Variants in MEAK7 observed in about 807,000 individuals in gnomAD.
MEAK7 encodes the protein MTOR-associated protein MEAK7.
In MEAK7, 68 loss-of-function variants were observed where a neutral mutation model predicts 40.5. The ratio of observed to expected loss-of-function variants is 1.68; its 90% CI spans 1.38 to 2.06. MEAK7 has a LOEUF of 2.06. Ranked by LOEUF, MEAK7 falls within the 30% of genes most tolerant of loss-of-function variation. MEAK7 has a pLI of 0.00. For synonymous variants in MEAK7, 338 were observed against 231.9 expected (o/e 1.46, Z -4.16); for missense variants, 918 against 580.5 (o/e 1.58, Z -5.98).
chr16:84,502,235 GT>G (rs1258390712), intron 1 of MEAK7, among the ~76,000 whole-genome samples: 1 of 152,200 alleles, frequency 6.6e-6, no homozygotes, highest in East Asian at 1.9e-4. Context: ...GAGCAGTTTC[GT>G]CCCCCAGGGG....
At chr16:84,494,282 T>C (rs892677603) in intron 3 of MEAK7, among the ~76,000 whole-genome samples, 1 of 152,168 alleles carries the variant, frequency 6.6e-6, no homozygotes, top group Non-Finnish European at 1.5e-5. Context: ...GAGAAAAATG[T>C]TTCAAAATAA....
At chr16:84,499,783 T>G (rs1249308048) in intron 1 of MEAK7, 1 of 152,220 alleles carries the variant, frequency 6.6e-6, no homozygotes, top group African/African-American at 2.4e-5. Flanking sequence ...ACACCTGTCA[T>G]CCGAGCACTT....
In MEAK7 at chr16:84,479,739, T is replaced by G; in HGVS notation, c.*174A>C. ...CATCTATTTCTGGGAGATCCACCCA[T>G]GAGTCAGGACATGGCTTCAGAGGGC... On this transcript the variant is annotated 3_prime_UTR_variant, in exon 8 of 8. Transcript: ENST00000343629. The G allele has an allele frequency of 2.3e-6, 1 of 429,152 alleles. No homozygotes were observed. The allele number at this position is 429,152 out of a possible 1,614,324, so 26.6% of individuals were successfully genotyped here. A position where few individuals can be genotyped will look rare whatever the true frequency, so the allele number is the denominator to read the frequency against.
rs1382412885 is a variant in MEAK7 at position 84,477,120 on chromosome 16, C to T, written c.*2793G>A. On this transcript the variant is annotated 3_prime_UTR_variant, in exon 8 of 8. Transcript: ENST00000343629. ...ATGTTGCCCAGGCTGGTCTTGAACT[C>T]CTGGGCTCAAGCAATCGGCCTGCCT... 2.0e-5 allele frequency: 3 copies of T among 152,096 alleles called. No individual in the cohort carries two copies. In the East Asian group the frequency reaches 5.8e-4, roughly 29 times the overall value. The allele number at this position is 152,096 out of a possible 1,614,324, so 9.4% of individuals were successfully genotyped here.
chr16:84,481,312 T>G (rs444958), intron 6 of MEAK7, among the ~76,000 whole-genome samples: 150,161 of 152,352 alleles, frequency 0.99, 74,035 homozygotes, highest in East Asian at 1. Flanking sequence ...GGTAGGCCTG[T>G]AACACCTGGC....
chr16:84,478,632 T>A lies in MEAK7; in HGVS notation c.*1281A>T, dbSNP rs564758484. On this transcript the variant is annotated 3_prime_UTR_variant, in exon 8 of 8. Coordinates refer to ENST00000343629, the MANE Select transcript of MEAK7 (RefSeq NM_020947.4). ...ACCGGTGACTCACCGTGTGTTGTTT[T>A]CCAGACGTGGGCAGATGGCAGCTCT... 1.3e-5 allele frequency: 2 copies of A among 152,216 alleles called. No individual in the cohort carries two copies. Among genetic ancestry groups the A allele is most frequent in the Admixed American group, 1.3e-4 (2 of 15,282 alleles). The allele number at this position is 152,216 out of a possible 1,614,324, so 9.4% of individuals were successfully genotyped here.
In MEAK7 at chr16:84,480,696, G is replaced by GCC. The variant is rs549073767; in HGVS notation, c.1088_1089dup (p.Gln364GlyfsTer111). On this transcript the variant is annotated frameshift_variant, in exon 7 of 8. Coordinates refer to ENST00000343629, the MANE Select transcript of MEAK7 (RefSeq NM_020947.4). LOFTEE classifies it high-confidence loss of function. Reference sequence around the variant, plus strand: ...ACCCAAAGCCCAAAGTAATTGTGCTGCCCCCCCATACCCTGCAAAGGAAGC... The same window carrying GCC: ...ACCCAAAGCCCAAAGTAATTGTGCTGCCCCCCCCCATACCCTGCAAAGGAAGC... The GCC allele has an allele frequency of 6.2e-7, 1 of 1,612,526 alleles. No homozygotes were observed. Among genetic ancestry groups the GCC allele is most frequent in the Non-Finnish European group, 8.5e-7 (1 of 1,179,222 alleles).
At position 84,482,609 on chromosome 16, in the gene MEAK7, T is replaced by C; in HGVS notation, c.1060A>G (p.Thr354Ala). Residue 354 changes from threonine to alanine, a missense_variant, in exon 6 of 8, where the codon ACG (threonine) becomes GCG (alanine). Thr to Ala is a moderately conservative substitution (Grantham distance 58). Coordinates refer to ENST00000343629, the MANE Select transcript of MEAK7 (RefSeq NM_020947.4). ...GGGCTCACCAGTCCGTTCGGGATCG[T>C]CTGCTGTCCATGGTTCAAGTACATG... The part of the protein sequence containing the change: ...HYMYLNHGQQ[T>A]IPNGLGMGGQ... 6.2e-7 allele frequency: 1 copy of C among 1,614,240 alleles called. No homozygotes were observed. Among genetic ancestry groups the C allele is most frequent in the Non-Finnish European group, 8.5e-7 (1 of 1,180,036 alleles).
rs777588411 is a variant in MEAK7, at chr16:84,478,220, G to A, written c.*1693C>T. 6.6e-6 allele frequency: 1 copy of A among 152,164 alleles called. No homozygotes were observed. The highest frequency in any genetic ancestry group is 2.4e-5 in the African/African-American group (1 of 41,412). The allele number at this position is 152,164 out of a possible 1,614,324, so 9.4% of individuals were successfully genotyped here. On this transcript the variant is annotated 3_prime_UTR_variant, in exon 8 of 8. Transcript: ENST00000343629. Reference sequence around the variant, plus strand: ...CTTCTGCCAACATGTCAGGTAGGAAGCTCACAATGTTCCCCATAAGCCATT... The same window carrying A: ...CTTCTGCCAACATGTCAGGTAGGAAACTCACAATGTTCCCCATAAGCCATT...
Position 84,479,781 on chromosome 16 carries a change from T to C in MEAK7, c.*132A>G. On this transcript the variant is annotated 3_prime_UTR_variant, in exon 8 of 8. Coordinates refer to ENST00000343629, the MANE Select transcript of MEAK7 (RefSeq NM_020947.4). ...TCAGAGGGCGTCTTCTTGGCACATGTGGGACTACCAGGCTGTGACCCGTGC... is the reference window on the plus strand; with the variant it reads ...TCAGAGGGCGTCTTCTTGGCACATGCGGGACTACCAGGCTGTGACCCGTGC... 2.0e-6 allele frequency: 1 copy of C among 507,946 alleles called. No individual in the cohort carries two copies. The highest frequency in any genetic ancestry group is 3.3e-6 in the Non-Finnish European group (1 of 302,572). The allele number at this position is 507,946 out of a possible 1,614,324, so 31.5% of individuals were successfully genotyped here. A position where few individuals can be genotyped will look rare whatever the true frequency, so the allele number is the denominator to read the frequency against.
At chr16:84,482,523 G>C in intron 6 of MEAK7, 69 bp downstream of exon 6, 1 of 1,611,308 alleles carries the variant, frequency 6.2e-7, no homozygotes, top group African/African-American at 1.3e-5. Flanking sequence ...GTGGAGCTGA[G>C]CCTCGGGGTT....
chr16:84,503,147 TG>T (rs1386793926), intron 1 of MEAK7, among the ~76,000 whole-genome samples: 2 of 152,200 alleles, frequency 1.3e-5, no homozygotes, highest in Non-Finnish European at 2.9e-5. Context: ...AGAACTGTCT[TG>T]GGCCACACAT....
intron 3 of MEAK7, among the ~76,000 whole-genome samples, chr16:84,495,357 CAA>C (rs1913951288): frequency 6.6e-6 from 1 of 152,210 alleles, no homozygotes; most frequent in Non-Finnish European, 1.5e-5. Context: ...GAGTGCAAGA[CAA>C]ACACACATTG....
At chr16:84,504,360 G>T (rs1283393995) in intron 1 of MEAK7, among the ~76,000 whole-genome samples, 2 of 152,160 alleles carry the variant, frequency 1.3e-5, no homozygotes, top group African/African-American at 2.4e-5. Flanking sequence ...ACAGCGGGAG[G>T]TGCAGGATGA....
intron 4 of MEAK7, 46 bp downstream of exon 4, chr16:84,489,232 C>G: frequency 6.3e-7 from 1 of 1,598,210 alleles, no homozygotes. Context: ...CAGCAGGTAC[C>G]GCTCTACAGC....
intron 6 of MEAK7, among the ~76,000 whole-genome samples, chr16:84,481,568 C>T (rs901983705): frequency 9.2e-5 from 14 of 152,204 alleles, no homozygotes; most frequent in Non-Finnish European, 1.9e-4. Context: ...CTGGGAAGGA[C>T]GCTGGTCCCT....
chr16:84,491,538 T>A (rs868121644), intron 3 of MEAK7, among the ~76,000 whole-genome samples: 7 of 122,912 alleles, frequency 5.7e-5, no homozygotes, highest in African/African-American at 9.1e-5. Flanking sequence ...GACCCTGTCT[T>A]AAAAAAAAAA....
At chr16:84,487,132 A>T (rs1372149442) in intron 4 of MEAK7, 73 bp from the exon 5 acceptor site, 1 of 1,471,934 alleles carries the variant, frequency 6.8e-7, no homozygotes, top group Non-Finnish European at 9.1e-7. Context: ...ACCCACACTG[A>T]TCAGTGTGGG....
At position 84,477,719 on chromosome 16, in the gene MEAK7, G is replaced by C. The variant is rs8053390; in HGVS notation, c.*2194C>G. 80,671 of 151,474 alleles carry C rather than the reference G, an allele frequency of 0.53. 22,263 individuals are homozygous for C. The highest frequency in any genetic ancestry group is 0.77 in the East Asian group (3,951 of 5,160). 9.4% of individuals were successfully genotyped at this position (151,474 alleles called of 1,614,324 possible). ...CAAACTATTCATTTGTGCAAACTAGGATTGCGAGTTTCTCAGAGCCAGGTA... is the reference window on the plus strand; with the variant it reads ...CAAACTATTCATTTGTGCAAACTAGCATTGCGAGTTTCTCAGAGCCAGGTA... On this transcript the variant is annotated 3_prime_UTR_variant, in exon 8 of 8. Coordinates refer to ENST00000343629, the MANE Select transcript of MEAK7 (RefSeq NM_020947.4).
Sources: allele counts gnomAD v4.1 joint callset (sites outside exome capture counted in the v4.1 genomes callset), GRCh38; gene constraint gnomAD v4.1.1; transcripts MANE v1.5; gene names NCBI Gene and HGNC (gene_info 2026-07-23, HGNC 2026-07-21).